PLCE1: variants seen among roughly 807,000 people sequenced by gnomAD.
PLCE1 encodes phospholipase C epsilon 1, also known as 1-phosphatidylinositol 4,5-bisphosphate phosphodiesterase epsilon-1.
Under a neutral mutation model 242.8 loss-of-function variants are expected in PLCE1, and 119 were observed. That is an observed-to-expected ratio of 0.49 (90% CI 0.42 to 0.57). PLCE1 has a LOEUF of 0.57. Among genes scored for constraint, PLCE1 ranks in the 20% least tolerant of loss-of-function variants. The pLI, the probability that PLCE1 is intolerant of heterozygous loss-of-function variation, is 0.00. For missense variants in PLCE1, 2,441 were observed against 2,788.8 expected, an observed-to-expected ratio of 0.88 and a Z score of 2.81; for synonymous variants, 945 against 1,017.4, an observed-to-expected ratio of 0.93 and a Z score of 1.35.
At chr10:94,223,233 C>CAAAAA (rs60764243) in intron 4 of PLCE1, among the ~76,000 whole-genome samples, 19,865 of 90,340 alleles carry the variant, frequency 0.22, 2,694 homozygotes, top group Middle Eastern at 0.35. Flanking sequence ...TCCATCTCTA[C>CAAAAA]AAAAAAAAAA....
intron 2 of PLCE1, among the ~76,000 whole-genome samples, chr10:94,067,738 A>G (rs1460835375): frequency 3.9e-5 from 6 of 152,188 alleles, no homozygotes; most frequent in Admixed American, 2.0e-4. Flanking sequence ...GCCTGCAGCA[A>G]GTGGCAGGAA....
intron 2 of PLCE1, among the ~76,000 whole-genome samples, chr10:94,076,300 TTAGAG>T (rs749093010): frequency 1.3e-5 from 2 of 152,304 alleles, no homozygotes; most frequent in Admixed American, 6.5e-5. Flanking sequence ...AATTCCTGGC[TTAGAG>T]TAAAGACAGA....
intron 4 of PLCE1, among the ~76,000 whole-genome samples, chr10:94,195,114 C>T (rs1300181438): frequency 6.6e-6 from 1 of 152,104 alleles, no homozygotes; most frequent in African/African-American, 2.4e-5. Context: ...AAGAAAAAAA[C>T]GTTGTATCCA....
intron 3 of PLCE1, among the ~76,000 whole-genome samples, chr10:94,148,481 C>T (rs1183777259): frequency 6.6e-6 from 1 of 152,186 alleles, no homozygotes; most frequent in South Asian, 2.1e-4. Context: ...ACACCTGGCC[C>T]TTATCACTCT....
At chr10:94,295,124 G>A (rs2052768893) in intron 23 of PLCE1, among the ~76,000 whole-genome samples, 2 of 151,572 alleles carry the variant, frequency 1.3e-5, no homozygotes, top group Non-Finnish European at 2.9e-5. Context: ...TACCATGTTA[G>A]CCAGGGTGGT....
Position 94,265,658 on chromosome 10 carries a change from T to C in PLCE1, c.4065T>C (p.Pro1355=). Residue 1355 remains proline, a synonymous_variant, in exon 15 of 33, where the codon CCT becomes CCC. Coordinates refer to ENST00000371380, the MANE Select transcript of PLCE1 (RefSeq NM_016341.4). Reference sequence around the variant, plus strand: ...TTAATCCCTTGCAGAAGTTCGAGCCTAGCATCAGTATGTGTCATCAGGGAC... The same window carrying C: ...TTAATCCCTTGCAGAAGTTCGAGCCCAGCATCAGTATGTGTCATCAGGGAC... ...EILSIIQKFE[P]SISMCHQGLM... is the part of the protein sequence containing the mutation. 6.2e-7 allele frequency: 1 copy of C among 1,613,706 alleles called. No homozygotes were observed. Among genetic ancestry groups the C allele is most frequent in the South Asian group, 1.1e-5 (1 of 91,082 alleles).
chr10:94,003,883 C>T (rs1459737620), intron 1 of PLCE1, among the ~76,000 whole-genome samples: 1 of 152,180 alleles, frequency 6.6e-6, no homozygotes. Flanking sequence ...TGCAGTGGCT[C>T]ATGCCTGTAA....
intron 3 of PLCE1, 139 bp downstream of exon 3, chr10:94,132,598 A>G (rs2046634989): frequency 1.2e-6 from 1 of 803,778 alleles, no homozygotes. Flanking sequence ...TTAAGAGAAT[A>G]TAAAAAGGTG....
At chr10:94,125,370 G>A (rs1298471563) in intron 2 of PLCE1, among the ~76,000 whole-genome samples, 1 of 152,100 alleles carries the variant, frequency 6.6e-6, no homozygotes, top group Non-Finnish European at 1.5e-5. Flanking sequence ...TTGATGTTAA[G>A]TCCTAGCTGT....
At chr10:94,161,250 A>T (rs2047603742) in intron 3 of PLCE1, among the ~76,000 whole-genome samples, 1 of 152,344 alleles carries the variant, frequency 6.6e-6, no homozygotes, top group South Asian at 2.1e-4. Context: ...TACCTTGGGC[A>T]GTATGGCCAT....
rs2052935783 is a variant in PLCE1, at chr10:94,298,886, A to T, written c.5458+217A>T. ...GAAAAGAATCTTGAAGGGGCCTGTA[A>T]GGTCTCCTGGTCCTGCCCCTTTTTT... On this transcript the variant is annotated intron_variant, in intron 24 of 32. Transcript: ENST00000371380. This position sits in a 1 kb window ranked among gnomAD's most constrained non-coding sequence, Gnocchi z 5.2. 6.6e-6 allele frequency among the ~76,000 whole-genome samples: 1 copy of T among 152,202 alleles called. No homozygotes were observed. Among genetic ancestry groups the T allele is most frequent in the Non-Finnish European group, 1.5e-5 (1 of 68,032 alleles).
At chr10:94,308,510 C>T in intron 26 of PLCE1, 71 bp from the exon 27 acceptor site, 9 of 1,071,580 alleles carry the variant, frequency 8.4e-6, no homozygotes, top group African/African-American at 1.5e-5. Flanking sequence ...CTGTCATTTG[C>T]CGACTTCCAG....
At chr10:94,094,283 C>T (rs1186877358) in intron 2 of PLCE1, among the ~76,000 whole-genome samples, 1 of 151,590 alleles carries the variant, frequency 6.6e-6, no homozygotes, top group Non-Finnish European at 1.5e-5. Flanking sequence ...AGGCATTGTA[C>T]GAGGTATACA....
intron 3 of PLCE1, among the ~76,000 whole-genome samples, chr10:94,156,195 T>C (rs1048834532): frequency 5.9e-5 from 9 of 152,142 alleles, no homozygotes; most frequent in Admixed American, 6.5e-5. Context: ...CAAGAATGTA[T>C]TCTCCGTCTC....
intron 24 of PLCE1, among the ~76,000 whole-genome samples, chr10:94,302,123 C>A (rs1218057342): frequency 6.6e-6 from 1 of 152,136 alleles, no homozygotes; most frequent in Non-Finnish European, 1.5e-5. Flanking sequence ...AGTTCTGGGA[C>A]CATGTCCAGG....
At chr10:94,104,731 A>T (rs1473945700) in intron 2 of PLCE1, 1 of 152,216 alleles carries the variant, frequency 6.6e-6, no homozygotes, top group African/African-American at 2.4e-5. Context: ...ACTCAAGTAC[A>T]GTTCACCTCT....
intron 3 of PLCE1, 105 bp downstream of exon 3, chr10:94,132,564 C>A (rs1186618297): frequency 2.6e-6 from 3 of 1,142,140 alleles, no homozygotes; most frequent in Non-Finnish European, 3.9e-6. Flanking sequence ...CACTTTTCAG[C>A]AACTTTAAGT....
At chr10:94,012,396 T>A (rs1315676320) in intron 1 of PLCE1, among the ~76,000 whole-genome samples, 1 of 151,802 alleles carries the variant, frequency 6.6e-6, no homozygotes, top group Non-Finnish European at 1.5e-5. Context: ...ACTCAAAAGA[T>A]AAACTAGACT....
intron 2 of PLCE1, among the ~76,000 whole-genome samples, chr10:94,090,521 A>T (rs2045023226): frequency 6.6e-6 from 1 of 152,188 alleles, no homozygotes; most frequent in South Asian, 2.1e-4. Flanking sequence ...GGCATTTGGC[A>T]TCTCTCCTTC....
Sources: gnomAD v4.1 joint callset for allele counts (sites outside exome capture counted in the v4.1 genomes callset) on GRCh38, gnomAD v4.1.1 for gene constraint, Gnocchi (gnomAD v3.1) non-coding constraint, MANE v1.5 for transcripts, NCBI Gene and HGNC (gene_info 2026-07-23, HGNC 2026-07-21) for gene names.